Variants in CNGA1 observed in about 807,000 individuals in gnomAD.
The protein encoded by CNGA1 is cyclic nucleotide gated channel subunit alpha 1, also known as cyclic nucleotide-gated channel alpha-1.
CNGA1 carries 53 observed loss-of-function variants against 69.7 expected under a neutral mutation model. The ratio of observed to expected loss-of-function variants is 0.76; its 90% CI spans 0.61 to 0.96. The LOEUF (loss-of-function observed/expected upper bound fraction) is 0.96, where lower values mean the gene tolerates loss of function less well. CNGA1 is among the 40% of genes least tolerant of loss of function. The probability of loss-of-function intolerance (pLI) is 0.00; values close to 1 mark genes in which losing one functional copy is unlikely to be tolerated. For synonymous variants in CNGA1, 249 were observed against 283.5 expected (o/e 0.88, Z 1.22); for missense variants, 739 against 811.2 (o/e 0.91, Z 1.08).
At chr4:47,957,151 G>C (rs1357598109) in intron 3 of CNGA1, among the ~76,000 whole-genome samples, 2 of 151,954 alleles carry the variant, frequency 1.3e-5, no homozygotes, top group African/African-American at 4.8e-5. Context: ...GGCCAGGCTG[G>C]TCTCGAACTC....
At chr4:47,994,591 A>G (rs115873977) in intron 2 of CNGA1, among the ~76,000 whole-genome samples, 17,261 of 152,074 alleles carry the variant, frequency 0.11, 1,579 homozygotes, top group East Asian at 0.32. Context: ...CCTGAAGGCA[A>G]CAGACAGTTG....
intron 2 of CNGA1, among the ~76,000 whole-genome samples, chr4:47,986,796 G>C (rs934848953): frequency 8.5e-5 from 13 of 152,098 alleles, no homozygotes; most frequent in Admixed American, 2.0e-4. Flanking sequence ...GTGATAAAGG[G>C]CTGAGAGATT....
intron 2 of CNGA1, among the ~76,000 whole-genome samples, chr4:48,004,586 T>C (rs1236485561): frequency 1.3e-5 from 2 of 152,126 alleles, no homozygotes; most frequent in Non-Finnish European, 2.9e-5. Flanking sequence ...TCCCAAGTTA[T>C]TTAGGAAGGC....
intron 2 of CNGA1, among the ~76,000 whole-genome samples, chr4:47,986,354 C>T (rs963825232): frequency 1.3e-5 from 2 of 151,316 alleles, no homozygotes; most frequent in Non-Finnish European, 2.9e-5. Context: ...TGCAGTAAGC[C>T]GAGATTGCAC....
chr4:47,991,497 A>G (rs1255481534), intron 2 of CNGA1, among the ~76,000 whole-genome samples: 2 of 151,850 alleles, frequency 1.3e-5, no homozygotes, highest in African/African-American at 4.8e-5. Context: ...TTCTTAGCCC[A>G]CTTTTTGATG....
intron 2 of CNGA1, among the ~76,000 whole-genome samples, chr4:47,997,533 CA>C (rs561132365): frequency 2.8e-4 from 42 of 152,138 alleles, no homozygotes; most frequent in Admixed American, 8.5e-4. Context: ...GTTGATGGGT[CA>C]GGGGTACTCA....
chr4:48,015,243 T>G (rs1201992201), intron 1 of CNGA1, among the ~76,000 whole-genome samples: 3 of 152,146 alleles, frequency 2.0e-5, no homozygotes, highest in African/African-American at 7.2e-5. Context: ...TTTTAAGGCT[T>G]GTTATGGAAA....
intron 2 of CNGA1, among the ~76,000 whole-genome samples, chr4:48,006,331 C>G (rs1714915873): frequency 6.6e-6 from 1 of 152,082 alleles, no homozygotes; most frequent in South Asian, 2.1e-4. Context: ...TAGTCAAAGA[C>G]ACAATTGATG....
intron 3 of CNGA1, among the ~76,000 whole-genome samples, chr4:47,963,003 G>C (rs1045705458): frequency 1.3e-5 from 2 of 151,966 alleles, no homozygotes; most frequent in Non-Finnish European, 2.9e-5. Context: ...TGTCACCCAG[G>C]CTGGAATGCG....
At chr4:47,976,340 CATAT>C (rs1236285137) in intron 3 of CNGA1, among the ~76,000 whole-genome samples, 1 of 22,668 alleles carries the variant, frequency 4.4e-5, no homozygotes, top group Non-Finnish European at 1.3e-4. Context: ...TATATATACA[CATAT>C]ATATATATAT....
chr4:48,003,175 G>T (rs894714955), intron 2 of CNGA1, among the ~76,000 whole-genome samples: 2 of 152,156 alleles, frequency 1.3e-5, no homozygotes, highest in Non-Finnish European at 2.9e-5. Context: ...CACTGGTTCT[G>T]TCTGGAAAGG....
At chr4:47,976,292 TATACACATACATATATATATAC>T (rs1370164217) in intron 3 of CNGA1, among the ~76,000 whole-genome samples, 7 of 40,664 alleles carry the variant, frequency 1.7e-4, no homozygotes, top group East Asian at 1.5e-3. Context: ...TATATATATA[TATACACATACATATATATATAC>T]ATATATATGT....
In CNGA1 at chr4:47,942,518, G is replaced by A. The variant is rs964044797; in HGVS notation, c.438-370C>T. The stretch of plus-strand genomic sequence containing the variant: ...TTTACTAAAGCCCTGGTTTCACTGC[G>A]ATGCTGCAGTCAGTTGTATACCTCA... On this transcript the variant is annotated intron_variant, in intron 8 of 10. Transcript: ENST00000514170. Among the ~76,000 whole-genome samples the A allele has an allele frequency of 2.4e-4, 36 of 152,230 alleles. 1 individual carries two copies. The highest frequency in any genetic ancestry group is 6.5e-4 in the Admixed American group (10 of 15,290).
chr4:48,014,416 G>A (rs1715290144), intron 1 of CNGA1, among the ~76,000 whole-genome samples: 1 of 132,566 alleles, frequency 7.5e-6, no homozygotes, highest in Admixed American at 7.3e-5. Context: ...TTTATTTTCA[G>A]AATTGAAAAG....
intron 3 of CNGA1, among the ~76,000 whole-genome samples, chr4:47,959,443 T>C (rs1445371368): frequency 6.6e-6 from 1 of 151,798 alleles, no homozygotes; most frequent in Non-Finnish European, 1.5e-5. Context: ...AAAAGAAAAC[T>C]CCACCCCTGC....
intron 2 of CNGA1, among the ~76,000 whole-genome samples, chr4:47,984,199 C>T (rs1011774292): frequency 3.9e-5 from 6 of 152,144 alleles, no homozygotes; most frequent in African/African-American, 7.2e-5. Context: ...TACAGAAAAA[C>T]GTTTTTCATC....
chr4:47,978,595 C>T (rs1183100187), intron 3 of CNGA1, among the ~76,000 whole-genome samples: 1 of 151,892 alleles, frequency 6.6e-6, no homozygotes, highest in Non-Finnish European at 1.5e-5. Flanking sequence ...TAAATTGATC[C>T]ATTTGGGTTT....
At chr4:48,014,288 C>T (rs1267914790) in intron 1 of CNGA1, among the ~76,000 whole-genome samples, 1 of 152,110 alleles carries the variant, frequency 6.6e-6, no homozygotes, top group Non-Finnish European at 1.5e-5. Context: ...TCCCCAAAGT[C>T]ATCTAGAAAT....
At chr4:47,976,411 G>A (rs1483315997) in intron 3 of CNGA1, among the ~76,000 whole-genome samples, 2 of 149,294 alleles carry the variant, frequency 1.3e-5, no homozygotes, top group African/African-American at 4.9e-5. Flanking sequence ...TATTCTGTAA[G>A]CTTCTTAAGG....
Sources: allele counts gnomAD v4.1 joint callset (sites outside exome capture counted in the v4.1 genomes callset), GRCh38; gene constraint gnomAD v4.1.1; transcripts MANE v1.5; gene names NCBI Gene and HGNC (gene_info 2026-07-23, HGNC 2026-07-21).